The following HNRNPL variants were observed in gnomAD, a reference collection of about 807,000 sequenced individuals.
HNRNPL encodes epididymis secretory sperm binding protein.
A neutral mutation model predicts 64.0 loss-of-function variants in HNRNPL; 12 were observed. The ratio of observed to expected loss-of-function variants is 0.19; its 90% confidence interval spans 0.12 to 0.30. The LOEUF (loss-of-function observed/expected upper bound fraction) is 0.30, where lower values mean the gene tolerates loss of function less well. Among genes scored for constraint, HNRNPL ranks in the 10% least tolerant of loss-of-function variants. The pLI, the probability that HNRNPL is intolerant of heterozygous loss-of-function variation, is 1.00. For missense variants in HNRNPL, 484 were observed against 797.4 expected, an observed-to-expected ratio of 0.61 and a Z score of 4.73; for synonymous variants, 385 against 313.0, an observed-to-expected ratio of 1.23 and a Z score of -2.43.
intron 8 of HNRNPL, 169 bp from the exon 9 acceptor site, chr19:38,839,184 T>A (rs1312315041): frequency 2.7e-6 from 2 of 734,142 alleles, no homozygotes; most frequent in African/African-American, 1.8e-5. Flanking sequence ...CAACCCATAG[T>A]GAGAAGCAGA....
Position 38,849,915 on chromosome 19 carries a change from G to C in HNRNPL, c.52C>G (p.Gln18Glu). 1 of 1,312,680 alleles carries C rather than the reference G, an allele frequency of 7.6e-7. No individual in the cohort carries two copies. 81.3% of individuals were successfully genotyped at this position (1,312,680 alleles called of 1,614,324 possible). A position where few individuals can be genotyped will look rare whatever the true frequency, so the allele number is the denominator to read the frequency against. The change falls in exon 1 of 13, where the codon CAG becomes GAG. Residue 18 changes from glutamine (Q) to glutamate (E), a missense_variant. Coordinates refer to ENST00000221419, the MANE Select transcript of HNRNPL (RefSeq NM_001533.3). The stretch of plus-strand genomic sequence containing the variant: ...CGCTGCTCGTCCGGCTGCTGCCTCT[G>C]CTCCAGCCGCCGACGCCGCTTCTCC... Reference protein sequence around the residue: ...RAEKRRRRLEQRQQPDEQRRR... With the variant: ...RAEKRRRRLEERQQPDEQRRR...
intron 1 of HNRNPL, among the ~76,000 whole-genome samples, chr19:38,848,093 CTTTTA>C (rs975889536): frequency 2.7e-5 from 4 of 150,240 alleles, no homozygotes; most frequent in Admixed American, 6.6e-5. Flanking sequence ...CAAGAAAAGT[CTTTTA>C]TTTATTTTTT....
chr19:38,849,392 A>C, intron 1 of HNRNPL: 1 of 316,360 alleles, frequency 3.2e-6, no homozygotes, highest in Non-Finnish European at 5.8e-6. Context: ...TAAAGGGGAA[A>C]AAAACCGGCC....
chr19:38,836,987 C>G, intron 12 of HNRNPL: 1 of 556,380 alleles, frequency 1.8e-6, no homozygotes, highest in Non-Finnish European at 3.2e-6. Flanking sequence ...ATAGAGAATC[C>G]CATTCCTATC....
At chr19:38,841,045 CCTT>C (rs1340846728) in intron 6 of HNRNPL, 17 of 190,424 alleles carry the variant, frequency 8.9e-5, no homozygotes, top group African/African-American at 3.8e-4. Flanking sequence ...CTGTTAGATC[CCTT>C]CTTTCTTAAT....
intron 1 of HNRNPL, among the ~76,000 whole-genome samples, chr19:38,848,616 G>A (rs1053116652): frequency 6.6e-6 from 1 of 152,190 alleles, no homozygotes; most frequent in East Asian, 1.9e-4. Context: ...TTTCAGGAGC[G>A]ATCCACGCGA....
chr19:38,852,081 C>A (rs1972517473), upstream of HNRNPL, among the ~76,000 whole-genome samples: 1 of 149,280 alleles, frequency 6.7e-6, no homozygotes, highest in South Asian at 2.1e-4. Flanking sequence ...CCCGGACGCC[C>A]CTCGCGCCGG....
intron 4 of HNRNPL, chr19:38,845,446 T>G (rs183479603): frequency 3.4e-6 from 2 of 592,884 alleles, no homozygotes; most frequent in Non-Finnish European, 6.0e-6. Context: ...AACACACTGC[T>G]CTCTCCCCTA....
At chr19:38,850,035 A>AC, upstream of HNRNPL, 1 of 1,262,894 alleles carries the variant, frequency 7.9e-7, no homozygotes. Flanking sequence ...CGCCGCCCCC[A>AC]CCCGATAGGG....
chr19:38,849,465 A>G, intron 1 of HNRNPL: 1 of 471,284 alleles, frequency 2.1e-6, no homozygotes, highest in Non-Finnish European at 3.4e-6. Flanking sequence ...CATTCGCCTC[A>G]CGAGCTACTT....
Position 38,841,195 on chromosome 19 carries a change from G to A in HNRNPL, c.881-636C>T, listed in dbSNP as rs765678203. 3.2e-4 allele frequency: 83 copies of A among 255,498 alleles called. 3 individuals carry two copies. Among genetic ancestry groups the A allele is most frequent in the South Asian group, 3.1e-3 (75 of 23,834 alleles). 15.8% of individuals were successfully genotyped at this position (255,498 alleles called of 1,614,324 possible). On this transcript the variant is annotated intron_variant, in intron 6 of 12. Coordinates refer to ENST00000221419, the MANE Select transcript of HNRNPL (RefSeq NM_001533.3). Reference sequence around the variant, plus strand: ...CATTCCCACACCCAGCAATGGCGCAGATCCACCCCGACCCCAGCAGTTCGT... The same window carrying A: ...CATTCCCACACCCAGCAATGGCGCAAATCCACCCCGACCCCAGCAGTTCGT...
In HNRNPL at chr19:38,840,064, C is replaced by T. The variant is rs201638623; in HGVS notation, c.1233+32G>A. The stretch of plus-strand genomic sequence containing the variant: ...CTGACTGGCAAGATACGAGGCTCAG[C>T]GAGGAACCCAGGGGGCCCGGCAGCA... On this transcript the variant is annotated intron_variant, in intron 8 of 12. Transcript: ENST00000221419. 523 of 1,610,340 alleles carry T rather than the reference C, an allele frequency of 3.2e-4. 1 individual carries two copies. The highest frequency in any genetic ancestry group is 4.2e-4 in the Admixed American group (25 of 59,970).
chr19:38,838,084 G>A (rs1263458783), intron 10 of HNRNPL, among the ~76,000 whole-genome samples: 1 of 152,260 alleles, frequency 6.6e-6, no homozygotes, highest in African/African-American at 2.4e-5. Context: ...TGCGGTTCTT[G>A]TGAAATTGGG....
intron 6 of HNRNPL, chr19:38,841,336 GC>G: frequency 2.9e-6 from 1 of 344,796 alleles, no homozygotes; most frequent in South Asian, 2.2e-5. Flanking sequence ...TGATATTTCA[GC>G]CCCATTTTAC....
rs930440572 is a variant in HNRNPL at position 38,849,901 on chromosome 19, C to A, written c.66G>T (p.Pro22=). The A allele has an allele frequency of 7.9e-7, 1 of 1,268,100 alleles. No homozygotes were observed. The highest frequency in any genetic ancestry group is 2.7e-5 in the East Asian group (1 of 37,180). The allele number at this position is 1,268,100 out of a possible 1,614,324, so 78.6% of individuals were successfully genotyped here. Residue 22 remains proline, a synonymous_variant, in exon 1 of 13, where the codon CCG becomes CCT. Transcript: ENST00000221419. The part of the protein sequence containing the change: ...RRRRLEQRQQ[P]DEQRRRSGAM... ...CTCCCGACCGCCTCCGCTGCTCGTC[C>A]GGCTGCTGCCTCTGCTCCAGCCGCC...
At chr19:38,838,716 G>A in intron 9 of HNRNPL, 118 bp from the exon 10 acceptor site, 3 of 1,311,954 alleles carry the variant, frequency 2.3e-6, no homozygotes, top group South Asian at 1.3e-5. Context: ...CTCTACACCT[G>A]AGGCAAGGCT....
chr19:38,839,715 C>A, intron 8 of HNRNPL: 1 of 228,478 alleles, frequency 4.4e-6, no homozygotes, highest in South Asian at 5.3e-5. Context: ...CCACCGCTAG[C>A]CCCAGTCAAC....
Position 38,849,694 on chromosome 19 carries a change from C to G in HNRNPL, c.267+6G>C, listed in dbSNP as rs535059222. 3.7e-6 allele frequency: 5 copies of G among 1,355,704 alleles called. No homozygotes were observed. Among genetic ancestry groups the G allele is most frequent in the Non-Finnish European group, 4.7e-6 (5 of 1,064,034 alleles). 84.0% of individuals were successfully genotyped at this position (1,355,704 alleles called of 1,614,324 possible). A position where few individuals can be genotyped will look rare whatever the true frequency, so the allele number is the denominator to read the frequency against. ...GCCTTCCCAGCGCCTAGGGCCCTGG[C>G]CTCACCCCACCGCCGCCGCCGCCCG... On this transcript the variant is annotated splice_donor_region_variant and intron_variant, in intron 1 of 12. Transcript: ENST00000221419.
intron 6 of HNRNPL, among the ~76,000 whole-genome samples, chr19:38,843,074 G>C (rs1288696814): frequency 1.3e-5 from 2 of 152,120 alleles, no homozygotes; most frequent in Non-Finnish European, 2.9e-5. Flanking sequence ...CTAGGAATGG[G>C]GGGCTCTGGC....
Sources: allele counts gnomAD v4.1 joint callset (sites outside exome capture counted in the v4.1 genomes callset), GRCh38; gene constraint gnomAD v4.1.1; transcripts MANE v1.5; gene names NCBI Gene and HGNC (gene_info 2026-07-23, HGNC 2026-07-21).